LOXHD1: variants seen among roughly 807,000 people sequenced by gnomAD.
LOXHD1 encodes the protein lipoxygenase homology domain-containing protein 1.
LOXHD1 carries 205 observed loss-of-function variants against 248.2 expected under a neutral mutation model. The ratio of observed to expected loss-of-function variants is 0.83; its 90% CI spans 0.74 to 0.93. The LOEUF (loss-of-function observed/expected upper bound fraction) is 0.93, where lower values mean the gene tolerates loss of function less well. Ranked by LOEUF, LOXHD1 falls within the 40% of genes least tolerant of loss-of-function variation. The probability of loss-of-function intolerance (pLI) is 0.00; values close to 1 mark genes in which losing one functional copy is unlikely to be tolerated. For missense variants in LOXHD1, 2,930 were observed against 2,971.6 expected, an observed-to-expected ratio of 0.99 and a Z score of 0.33; for synonymous variants, 1,113 against 1,162.8, an observed-to-expected ratio of 0.96 and a Z score of 0.87.
At chr18:46,548,466 T>C (rs1252971041) in intron 21 of LOXHD1, among the ~76,000 whole-genome samples, 1 of 152,162 alleles carries the variant, frequency 6.6e-6, no homozygotes, top group Non-Finnish European at 1.5e-5. Context: ...GGGGGCAACG[T>C]TACACTGATG....
chr18:46,493,069 C>T (rs1007645058), intron 37 of LOXHD1, among the ~76,000 whole-genome samples: 2 of 152,192 alleles, frequency 1.3e-5, no homozygotes, highest in Non-Finnish European at 2.9e-5. Context: ...TGGTCCTTTT[C>T]CACTCCTCTG....
chr18:46,491,015 G>C (rs986618647), intron 37 of LOXHD1, among the ~76,000 whole-genome samples: 3 of 152,182 alleles, frequency 2.0e-5, no homozygotes, highest in African/African-American at 7.2e-5. Context: ...CTGAAGCAGT[G>C]CTCAAACACT....
intron 12 of LOXHD1, among the ~76,000 whole-genome samples, chr18:46,585,985 A>C (rs2038051775): frequency 6.6e-6 from 1 of 152,242 alleles, no homozygotes; most frequent in South Asian, 2.1e-4. Context: ...CATTATTTAC[A>C]TAACCAAAAA....
rs1292870419 is a variant in LOXHD1 at position 46,538,200 on chromosome 18, T to C, written c.4051A>G (p.Lys1351Glu). Residue 1351 changes from lysine to glutamate, a missense_variant, in exon 26 of 41, where the codon AAG becomes GAG. Lys to Glu is a moderately conservative substitution (Grantham distance 56). Coordinates refer to ENST00000642948, the MANE Select transcript of LOXHD1 (RefSeq NM_001384474.1). ...KYLCTNKREQ[K>E]QFFERKSASR... Reference sequence around the variant, plus strand: ...GCAGACTTCCTCTCAAAGAACTGCTTCTGTTCCCTCTTGTTGGTACACAGA... The same window carrying C: ...GCAGACTTCCTCTCAAAGAACTGCTCCTGTTCCCTCTTGTTGGTACACAGA... 2 of 1,540,080 alleles carry C rather than the reference T, an allele frequency of 1.3e-6. No individual in the cohort carries two copies. The highest frequency in any genetic ancestry group is 3.9e-5 in the Admixed American group (2 of 50,816).
chr18:46,538,068 G>C, intron 26 of LOXHD1, 88 bp downstream of exon 26: 3 of 1,208,954 alleles, frequency 2.5e-6, no homozygotes, highest in Non-Finnish European at 3.4e-6. Context: ...TCAGGATGAA[G>C]GGCATGTGTT....
intron 16 of LOXHD1, among the ~76,000 whole-genome samples, 162 bp from the exon 17 acceptor site, chr18:46,566,611 C>A (rs2037648271): frequency 6.6e-6 from 1 of 152,178 alleles, no homozygotes; most frequent in Admixed American, 6.5e-5. Flanking sequence ...CCTGCCCCAC[C>A]ATCAGCCAGC....
At chr18:46,506,055 C>G in intron 36 of LOXHD1, 32 bp from the exon 37 acceptor site, 1 of 1,548,680 alleles carries the variant, frequency 6.5e-7, no homozygotes, top group Non-Finnish European at 8.7e-7. Context: ...GCTTAGGGTG[C>G]CAGCCTCTTT....
intron 1 of LOXHD1, among the ~76,000 whole-genome samples, chr18:46,649,658 C>G (rs1195862143): frequency 6.6e-6 from 1 of 152,138 alleles, no homozygotes; most frequent in Non-Finnish European, 1.5e-5. Context: ...CTGCCCTCTA[C>G]ACAAGGTGAC....
chr18:46,540,621 C>T (rs1235568975), intron 25 of LOXHD1, among the ~76,000 whole-genome samples: 1 of 141,134 alleles, frequency 7.1e-6, no homozygotes, highest in Non-Finnish European at 1.5e-5. Context: ...TGGAACTGAA[C>T]ATATTCAAAG....
chr18:46,616,631 T>C (rs1443055870), intron 5 of LOXHD1, among the ~76,000 whole-genome samples: 2 of 152,188 alleles, frequency 1.3e-5, no homozygotes, highest in African/African-American at 4.8e-5. Context: ...GTATATCCTT[T>C]AGTGGTTGTT....
chr18:46,535,829 C>T (rs936954636), intron 26 of LOXHD1, among the ~76,000 whole-genome samples: 3 of 152,174 alleles, frequency 2.0e-5, no homozygotes, highest in Admixed American at 1.3e-4. Context: ...CCTCGGCCTC[C>T]CAAAGTGCTG....
intron 4 of LOXHD1, among the ~76,000 whole-genome samples, chr18:46,634,402 C>A (rs558532754): frequency 2.0e-5 from 3 of 152,298 alleles, no homozygotes; most frequent in African/African-American, 7.2e-5. Flanking sequence ...TGAAATCCTC[C>A]AAAATCCAAA....
intron 1 of LOXHD1, among the ~76,000 whole-genome samples, chr18:46,651,261 G>A (rs572401970): frequency 3.9e-5 from 6 of 152,198 alleles, no homozygotes; most frequent in South Asian, 2.1e-4. Flanking sequence ...GGTCCCCATC[G>A]AGGCACCATT....
intron 12 of LOXHD1, among the ~76,000 whole-genome samples, chr18:46,588,500 T>A (rs1266792874): frequency 6.6e-6 from 1 of 152,222 alleles, no homozygotes; most frequent in Non-Finnish European, 1.5e-5. Context: ...TTTATACATG[T>A]AACCTGTAGA....
intron 38 of LOXHD1, 46 bp from the exon 39 acceptor site, chr18:46,485,197 C>A: frequency 1.3e-6 from 2 of 1,527,168 alleles, no homozygotes; most frequent in South Asian, 2.4e-5. Flanking sequence ...GGAAGCAGTG[C>A]CCGTCTTCAG....
chr18:46,516,963 C>T (rs2035286795), intron 34 of LOXHD1, among the ~76,000 whole-genome samples: 1 of 152,146 alleles, frequency 6.6e-6, no homozygotes, highest in African/African-American at 2.4e-5. Context: ...CCACAATGTC[C>T]TCATCACCAC....
chr18:46,500,082 CCTTCT>C (rs924840274), intron 37 of LOXHD1, among the ~76,000 whole-genome samples: 1 of 152,054 alleles, frequency 6.6e-6, no homozygotes, highest in Non-Finnish European at 1.5e-5. Flanking sequence ...AATTCCTTCC[CCTTCT>C]CTTTTCTTCT....
chr18:46,627,956 G>C (rs1459930237), intron 4 of LOXHD1, among the ~76,000 whole-genome samples: 1 of 152,240 alleles, frequency 6.6e-6, no homozygotes, highest in African/African-American at 2.4e-5. Context: ...TAGAGAGAAG[G>C]GCCTGTATGT....
At chr18:46,649,317 G>A in intron 1 of LOXHD1, 48 bp from the exon 2 acceptor site, 1 of 1,492,854 alleles carries the variant, frequency 6.7e-7, no homozygotes, top group Non-Finnish European at 9.1e-7. Context: ...AAAAAAACCG[G>A]AATCCTGTGT....
Sources: allele counts gnomAD v4.1 joint callset (sites outside exome capture counted in the v4.1 genomes callset), GRCh38; gene constraint gnomAD v4.1.1; transcripts MANE v1.5; gene names NCBI Gene and HGNC (gene_info 2026-07-23, HGNC 2026-07-21).